The following WWOX variants were observed in gnomAD, a reference collection of about 807,000 sequenced individuals.
WWOX encodes WW domain-containing oxidoreductase.
Under a neutral mutation model 46.2 loss-of-function variants are expected in WWOX, and 69 were observed. The observed-to-expected ratio is 1.49, with a 90% CI of 1.23 to 1.82. The LOEUF is 1.82. Among genes scored for constraint, WWOX ranks in the 40% most tolerant of loss-of-function variants. The pLI is 0.00. For missense variants in WWOX, 919 were observed against 542.6 expected (o/e 1.69, Z -6.89); for synonymous variants, 359 against 202.6 (o/e 1.77, Z -6.56).
intron 8 of WWOX, among the ~76,000 whole-genome samples, chr16:79,007,094 C>G (rs1034810200): frequency 2.0e-4 from 30 of 152,078 alleles, no homozygotes; most frequent in Admixed American, 3.3e-4. Context: ...AGGCGCTATG[C>G]CAAGCAGAGA....
intron 8 of WWOX, among the ~76,000 whole-genome samples, chr16:78,598,728 C>A (rs2667536): frequency 6.6e-6 from 1 of 152,180 alleles, no homozygotes; most frequent in Non-Finnish European, 1.5e-5. Flanking sequence ...ATGCCAGTGA[C>A]TACAGTGTGC....
intron 8 of WWOX, among the ~76,000 whole-genome samples, chr16:79,070,019 A>G (rs1025290375): frequency 3.3e-5 from 5 of 152,242 alleles, no homozygotes; most frequent in African/African-American, 1.2e-4. Flanking sequence ...TTCTGTGAAA[A>G]ACAATTTATT....
intron 6 of WWOX, among the ~76,000 whole-genome samples, chr16:78,424,285 T>G (rs531103085): frequency 6.6e-6 from 1 of 150,868 alleles, no homozygotes; most frequent in Admixed American, 6.6e-5. Context: ...ACCTGGCTAA[T>G]TTTTTTTGTG....
rs369482484 is a variant in WWOX, at chr16:78,422,702, T to C, written c.606-2168T>C. Among the ~76,000 whole-genome samples the C allele has an allele frequency of 7.8e-3, 783 of 100,152 alleles. 11 individuals carry two copies. The highest frequency in any genetic ancestry group is 0.011 in the Non-Finnish European group (562 of 49,944). The allele number at this position is 100,152 out of a possible 152,430, so 65.7% of individuals were successfully genotyped here. On this transcript the variant is annotated intron_variant, in intron 6 of 8. Coordinates refer to ENST00000566780, the MANE Select transcript of WWOX (RefSeq NM_016373.4). Reference sequence around the variant, plus strand: ...ATATATATACACACACACACACACATATATATATACACACACACATATATA... The same window carrying C: ...ATATATATACACACACACACACACACATATATATACACACACACATATATA...
intron 8 of WWOX, among the ~76,000 whole-genome samples, chr16:78,484,535 C>T (rs1230211909): frequency 6.6e-6 from 1 of 152,200 alleles, no homozygotes; most frequent in Non-Finnish European, 1.5e-5. Flanking sequence ...GTGTTATCCA[C>T]AATTGACTTA....
At chr16:79,015,660 C>G (rs533353128) in intron 8 of WWOX, among the ~76,000 whole-genome samples, 6 of 152,292 alleles carry the variant, frequency 3.9e-5, no homozygotes, top group Non-Finnish European at 7.4e-5. Flanking sequence ...TGTCCCTAGT[C>G]CCTGTCTCCG....
At chr16:78,186,924 C>T (rs1056640499) in intron 5 of WWOX, among the ~76,000 whole-genome samples, 4 of 152,188 alleles carry the variant, frequency 2.6e-5, no homozygotes, top group Admixed American at 6.5e-5. Context: ...GGGAAATTGA[C>T]ACTGGCATGA....
intron 8 of WWOX, among the ~76,000 whole-genome samples, chr16:78,753,151 T>C (rs1469693365): frequency 6.6e-6 from 1 of 151,918 alleles, no homozygotes. Flanking sequence ...AAAAACAAAA[T>C]TAGCCGGGCG....
At chr16:78,902,958 C>T (rs961562455) in intron 8 of WWOX, among the ~76,000 whole-genome samples, 2 of 152,202 alleles carry the variant, frequency 1.3e-5, no homozygotes, top group African/African-American at 4.8e-5. Flanking sequence ...GATCCACATT[C>T]CTGGATGAGT....
intron 4 of WWOX, among the ~76,000 whole-genome samples, chr16:78,134,284 T>G (rs532625031): frequency 1.3e-5 from 2 of 152,342 alleles, no homozygotes; most frequent in Admixed American, 6.5e-5. Flanking sequence ...TTTAGAAATT[T>G]AACCATATTT....
intron 8 of WWOX, among the ~76,000 whole-genome samples, chr16:78,926,754 A>G (rs1415347091): frequency 1.3e-5 from 2 of 152,166 alleles, no homozygotes; most frequent in East Asian, 3.9e-4. Context: ...TAGAAAGACC[A>G]TGGGTGTGAG....
intron 8 of WWOX, among the ~76,000 whole-genome samples, chr16:78,736,922 A>T (rs1046843854): frequency 6.6e-6 from 1 of 151,924 alleles, no homozygotes; most frequent in African/African-American, 2.4e-5. Flanking sequence ...AATGGTTTTC[A>T]TATAGCTATT....
At chr16:79,087,361 A>C (rs1597362561) in intron 8 of WWOX, among the ~76,000 whole-genome samples, 1 of 152,334 alleles carries the variant, frequency 6.6e-6, no homozygotes, top group South Asian at 2.1e-4. Context: ...GGGGAGAAGA[A>C]AGCCAGTTAC....
chr16:79,172,745 G>A (rs757894969), intron 8 of WWOX, among the ~76,000 whole-genome samples: 2 of 152,136 alleles, frequency 1.3e-5, no homozygotes, highest in African/African-American at 4.8e-5. Context: ...TGCCTTCACG[G>A]CCAGTTATGG....
intron 5 of WWOX, among the ~76,000 whole-genome samples, chr16:78,180,329 G>C (rs918774953): frequency 8.5e-5 from 13 of 152,240 alleles, no homozygotes; most frequent in African/African-American, 2.4e-4. Flanking sequence ...AGCTTAAAAG[G>C]CTGCACCTGA....
intron 8 of WWOX, among the ~76,000 whole-genome samples, chr16:79,117,429 C>G (rs971921177): frequency 1.3e-5 from 2 of 152,126 alleles, no homozygotes; most frequent in Non-Finnish European, 2.9e-5. Context: ...TTTGTTATTC[C>G]ATTTATAGAG....
chr16:78,133,397 A>T (rs919448648), intron 4 of WWOX, among the ~76,000 whole-genome samples: 1 of 152,170 alleles, frequency 6.6e-6, no homozygotes, highest in Non-Finnish European at 1.5e-5. Context: ...ACTAGCTGGG[A>T]CAACAGGTGT....
At chr16:78,365,263 A>G (rs2081508270) in intron 5 of WWOX, among the ~76,000 whole-genome samples, 1 of 152,196 alleles carries the variant, frequency 6.6e-6, no homozygotes, top group South Asian at 2.1e-4. Context: ...ATTGTCTCCA[A>G]CGCATCCATG....
At chr16:78,381,222 T>A (rs1376632133) in intron 5 of WWOX, among the ~76,000 whole-genome samples, 1 of 152,224 alleles carries the variant, frequency 6.6e-6, no homozygotes, top group East Asian at 1.9e-4. Flanking sequence ...ATATGGCTAA[T>A]TTATAGTCAT....
Sources: allele counts gnomAD v4.1 joint callset (sites outside exome capture counted in the v4.1 genomes callset), GRCh38; gene constraint gnomAD v4.1.1; transcripts MANE v1.5; gene names NCBI Gene and HGNC (gene_info 2026-07-23, HGNC 2026-07-21).